Variants in VLDLR observed in about 807,000 individuals in gnomAD.
VLDLR encodes very low-density lipoprotein receptor.
Under a neutral mutation model 112.7 loss-of-function variants are expected in VLDLR, and 81 were observed. That is an observed-to-expected ratio of 0.72 (90% CI 0.60 to 0.86). VLDLR has a LOEUF of 0.86. Among genes scored for constraint, VLDLR ranks in the 40% least tolerant of loss-of-function variants. VLDLR has a pLI of 0.00. For missense variants in VLDLR, 1,237 were observed against 1,099.4 expected, an observed-to-expected ratio of 1.13 and a Z score of -1.77; for synonymous variants, 436 against 384.8, an observed-to-expected ratio of 1.13 and a Z score of -1.56.
At chr9:2,623,159 G>C (rs1457382838) in intron 1 of VLDLR, among the ~76,000 whole-genome samples, 3 of 152,228 alleles carry the variant, frequency 2.0e-5, no homozygotes, top group African/African-American at 7.2e-5. Flanking sequence ...GAGAGCGAGC[G>C]TGTGGCCCTG....
At chr9:2,634,553 C>T (rs1182730800) in intron 1 of VLDLR, among the ~76,000 whole-genome samples, 1 of 152,216 alleles carries the variant, frequency 6.6e-6, no homozygotes, top group Non-Finnish European at 1.5e-5. Context: ...GGGCAAAACA[C>T]CAACTGTCCC....
chr9:2,628,080 C>A (rs941591441), intron 1 of VLDLR, among the ~76,000 whole-genome samples: 6 of 152,126 alleles, frequency 3.9e-5, no homozygotes, highest in African/African-American at 1.4e-4. Flanking sequence ...TAAATCAACT[C>A]ATGCACCCAA....
chr9:2,623,018 G>A (rs1192628023), intron 1 of VLDLR, among the ~76,000 whole-genome samples: 1 of 152,264 alleles, frequency 6.6e-6, no homozygotes, highest in Non-Finnish European at 1.5e-5. Flanking sequence ...CGGAGGGGGA[G>A]TGGAGGGGAG....
chr9:2,648,658 T>C lies in VLDLR; in HGVS notation c.1963-11T>C, dbSNP rs766841039. ...CTGGATGTACATGCTAATTGTGGGCTTCTGTTTTAGGATCGTGTCTACTGG... is the reference window on the plus strand; with the variant it reads ...CTGGATGTACATGCTAATTGTGGGCCTCTGTTTTAGGATCGTGTCTACTGG... On this transcript the variant is annotated splice_polypyrimidine_tract_variant and intron_variant, in intron 13 of 18. Coordinates refer to ENST00000382100, the MANE Select transcript of VLDLR (RefSeq NM_003383.5). 1 of 1,614,218 alleles carries C rather than the reference T, an allele frequency of 6.2e-7. No homozygotes were observed. Among genetic ancestry groups the C allele is most frequent in the Non-Finnish European group, 8.5e-7 (1 of 1,180,028 alleles).
rs78330356 is a variant in VLDLR, at chr9:2,659,918, A to C, written c.*6050A>C. The C allele has an allele frequency of 3.7e-3, 571 of 152,348 alleles. 3 individuals carry two copies. Among genetic ancestry groups the C allele is most frequent in the African/African-American group, 0.013 (537 of 41,582 alleles). 9.4% of individuals were successfully genotyped at this position (152,348 alleles called of 1,614,324 possible). On this transcript the variant is annotated 3_prime_UTR_variant, in exon 19 of 19. Transcript: ENST00000382100. Reference sequence around the variant, plus strand: ...GCATGTAATGCCTCAGGAGTCCGGCATATACAACCAAATTATCATGCTCAG... The same window carrying C: ...GCATGTAATGCCTCAGGAGTCCGGCCTATACAACCAAATTATCATGCTCAG...
At position 2,656,038 on chromosome 9, in the gene VLDLR, A is replaced by G. The variant is rs1203425843; in HGVS notation, c.*2170A>G. Reference sequence around the variant, plus strand: ...TTGCTTTCCCCATTATAAGGATTATACAGTATTAATTAATTATAAGGCCCA... The same window carrying G: ...TTGCTTTCCCCATTATAAGGATTATGCAGTATTAATTAATTATAAGGCCCA... On this transcript the variant is annotated 3_prime_UTR_variant, in exon 19 of 19. Coordinates refer to ENST00000382100, the MANE Select transcript of VLDLR (RefSeq NM_003383.5). 1 of 152,026 alleles carries G rather than the reference A, an allele frequency of 6.6e-6. No homozygotes were observed. The highest frequency in any genetic ancestry group is 1.5e-5 in the Non-Finnish European group (1 of 68,016). The allele number at this position is 152,026 out of a possible 1,614,324, so 9.4% of individuals were successfully genotyped here. A position where few individuals can be genotyped will look rare whatever the true frequency, so the allele number is the denominator to read the frequency against.
At chr9:2,626,737 G>A (rs189420756) in intron 1 of VLDLR, among the ~76,000 whole-genome samples, 7 of 152,190 alleles carry the variant, frequency 4.6e-5, no homozygotes, top group Non-Finnish European at 8.8e-5. Context: ...TGGTGGGGAT[G>A]GGGGGACTTG....
In VLDLR at chr9:2,653,032, A is replaced by C; in HGVS notation, c.2586+83A>C. On this transcript the variant is annotated intron_variant, in intron 18 of 18. Transcript: ENST00000382100. The stretch of plus-strand genomic sequence containing the variant: ...AGACCTGGGTGAGAGAGAGAGAGCC[A>C]TTAGGATGATGGAGTTACCAAACAC... 8 of 1,558,502 alleles carry C rather than the reference A, an allele frequency of 5.1e-6. No individual in the cohort carries two copies. In the South Asian group the frequency reaches 8.9e-5, roughly 17 times the overall value.
Position 2,658,468 on chromosome 9 carries a change from C to T in VLDLR, c.*4600C>T, listed in dbSNP as rs548134596. The T allele has an allele frequency of 3.9e-5, 6 of 152,300 alleles. No individual in the cohort carries two copies. Among genetic ancestry groups the T allele is most frequent in the Admixed American group, 1.3e-4 (2 of 15,306 alleles). 9.4% of individuals were successfully genotyped at this position (152,300 alleles called of 1,614,324 possible). Reference sequence around the variant, plus strand: ...TTGTGCTCCGCAGGTTACCTCATGGCATATCAAAAATGGCTTTTTTCTTCA... The same window carrying T: ...TTGTGCTCCGCAGGTTACCTCATGGTATATCAAAAATGGCTTTTTTCTTCA... On this transcript the variant is annotated 3_prime_UTR_variant, in exon 19 of 19. Coordinates refer to ENST00000382100, the MANE Select transcript of VLDLR (RefSeq NM_003383.5).
intron 2 of VLDLR, among the ~76,000 whole-genome samples, chr9:2,636,516 T>G (rs1817604070): frequency 6.6e-6 from 1 of 152,140 alleles, no homozygotes; most frequent in African/African-American, 2.4e-5. Flanking sequence ...ATGGCAGACC[T>G]TGTGCTACAC....
chr9:2,632,392 C>G (rs1817390272), intron 1 of VLDLR, among the ~76,000 whole-genome samples: 2 of 152,160 alleles, frequency 1.3e-5, no homozygotes, highest in South Asian at 2.1e-4. Context: ...GCAGAAATGC[C>G]TAGCACTTCT....
At chr9:2,630,382 G>A (rs777891470) in intron 1 of VLDLR, among the ~76,000 whole-genome samples, 5 of 152,268 alleles carry the variant, frequency 3.3e-5, no homozygotes, top group Middle Eastern at 3.4e-3. Context: ...ATGGACGGAA[G>A]GAATTCCAGC....
At chr9:2,637,574 C>G (rs2130781825) in intron 2 of VLDLR, among the ~76,000 whole-genome samples, 1 of 152,316 alleles carries the variant, frequency 6.6e-6, no homozygotes, top group South Asian at 2.1e-4. Flanking sequence ...ATTTGTCTGT[C>G]TCTGTTTATC....
In VLDLR at chr9:2,656,506, T is replaced by C. The variant is rs1586665837; in HGVS notation, c.*2638T>C. 1 of 152,254 alleles carries C rather than the reference T, an allele frequency of 6.6e-6. No individual in the cohort carries two copies. The allele number at this position is 152,254 out of a possible 1,614,324, so 9.4% of individuals were successfully genotyped here. A position where few individuals can be genotyped will look rare whatever the true frequency, so the allele number is the denominator to read the frequency against. On this transcript the variant is annotated 3_prime_UTR_variant, in exon 19 of 19. Coordinates refer to ENST00000382100, the MANE Select transcript of VLDLR (RefSeq NM_003383.5). ...TACTAGTCAATACAGCTTGCAATAATAGTGCATGAATGATAACAGGCCTCG... is the reference window on the plus strand; with the variant it reads ...TACTAGTCAATACAGCTTGCAATAACAGTGCATGAATGATAACAGGCCTCG...
At chr9:2,651,304 T>C (rs1185743516) in intron 15 of VLDLR, 111 bp from the exon 16 acceptor site, 4 of 845,536 alleles carry the variant, frequency 4.7e-6, no homozygotes, top group Admixed American at 2.0e-5. Context: ...CAGCAGTGGT[T>C]TGTCTATTTT....
rs2130746292 is a variant in VLDLR at position 2,621,955 on chromosome 9, C to A, written c.-235C>A. 4 of 661,688 alleles carry A rather than the reference C, an allele frequency of 6.0e-6. No homozygotes were observed. Among genetic ancestry groups the A allele is most frequent in the Non-Finnish European group, 5.5e-6 (2 of 363,610 alleles). The allele number at this position is 661,688 out of a possible 1,614,324, so 41.0% of individuals were successfully genotyped here. Reference sequence around the variant, plus strand: ...TTTCTGCCCGCAGGCTCGGCTTGCACTGCTGCTGCAGCCCGGGGAGGTGGC... The same window carrying A: ...TTTCTGCCCGCAGGCTCGGCTTGCAATGCTGCTGCAGCCCGGGGAGGTGGC... On this transcript the variant is annotated 5_prime_UTR_variant, in exon 1 of 19. The change creates a new upstream start codon in the 5' untranslated region. Transcript: ENST00000382100.
At position 2,646,342 on chromosome 9, in the gene VLDLR, T is replaced by C. The variant is rs372468631; in HGVS notation, c.1493T>C (p.Ile498Thr). Residue 498 changes from isoleucine (I) to threonine (T), a missense_variant, in exon 11 of 19, where the codon ATT (isoleucine) becomes ACT (threonine). Transcript: ENST00000382100. The part of the protein sequence containing the change: ...LSQKAIFSAS[I>T]DDKVGRHVKM... Reference sequence around the variant, plus strand: ...GACCTATTCTGTTTCAGTGCCTCAATTGATGACAAGGTTGGTAGACATGTT... The same window carrying C: ...GACCTATTCTGTTTCAGTGCCTCAACTGATGACAAGGTTGGTAGACATGTT... 1.2e-6 allele frequency: 2 copies of C among 1,614,036 alleles called. No homozygotes were observed. Among genetic ancestry groups the C allele is most frequent in the Non-Finnish European group, 1.7e-6 (2 of 1,180,004 alleles).
At chr9:2,626,332 G>C (rs1419314559) in intron 1 of VLDLR, among the ~76,000 whole-genome samples, 1 of 152,164 alleles carries the variant, frequency 6.6e-6, no homozygotes, top group Non-Finnish European at 1.5e-5. Flanking sequence ...ACAAAGTTTT[G>C]ACTGCAACTT....
intron 3 of VLDLR, among the ~76,000 whole-genome samples, chr9:2,640,504 G>A (rs1817777599): frequency 6.6e-6 from 1 of 152,164 alleles, no homozygotes; most frequent in African/African-American, 2.4e-5. Context: ...TCTTAAATAA[G>A]AGAAACTTCA....
Sources: gnomAD v4.1 joint callset for allele counts (sites outside exome capture counted in the v4.1 genomes callset) on GRCh38, gnomAD v4.1.1 for gene constraint, MANE v1.5 for transcripts, NCBI Gene and HGNC (gene_info 2026-07-23, HGNC 2026-07-21) for gene names.